The following KNL1 variants were observed in gnomAD, a reference collection of about 807,000 sequenced individuals.
KNL1 encodes kinetochore scaffold 1.
In KNL1, 66 loss-of-function variants were observed where a neutral mutation model predicts 201.3. The observed-to-expected ratio is 0.33, with a 90% CI of 0.27 to 0.40. The LOEUF is 0.40. Among genes scored for constraint, KNL1 ranks in the 10% least tolerant of loss-of-function variants. The pLI is 1.00. For missense variants in KNL1, 2,815 were observed against 2,690.5 expected (o/e 1.05, Z -1.02); for synonymous variants, 895 against 899.2 (o/e 1.00, Z 0.08).
intron 1 of KNL1, among the ~76,000 whole-genome samples, chr15:40,594,748 C>T (rs934114848): frequency 6.6e-6 from 1 of 152,350 alleles, no homozygotes; most frequent in Non-Finnish European, 1.5e-5. Context: ...TGCCGCTCTT[C>T]CCTAGGGACC....
intron 13 of KNL1, among the ~76,000 whole-genome samples, chr15:40,637,009 A>G (rs981322832): frequency 6.6e-6 from 1 of 151,920 alleles, no homozygotes; most frequent in East Asian, 1.9e-4. Context: ...ATGGTTAATT[A>G]TTCAGTCAGT....
intron 1 of KNL1, among the ~76,000 whole-genome samples, chr15:40,599,793 CTTTTT>C (rs55838833): frequency 5.0e-5 from 6 of 120,110 alleles, no homozygotes; most frequent in Admixed American, 8.9e-5. Flanking sequence ...TTATGTATTC[CTTTTT>C]TTTTTTTTTT....
intron 4 of KNL1, among the ~76,000 whole-genome samples, chr15:40,608,023 T>C (rs960877775): frequency 1.3e-5 from 2 of 152,090 alleles, no homozygotes; most frequent in East Asian, 1.9e-4. Flanking sequence ...ATTATTCACA[T>C]TAGCTAGAAG....
At chr15:40,648,231 G>A (rs1470890792) in intron 17 of KNL1, among the ~76,000 whole-genome samples, 1 of 152,042 alleles carries the variant, frequency 6.6e-6, no homozygotes, top group Non-Finnish European at 1.5e-5. Flanking sequence ...CTTAAACTGT[G>A]AATACAGCCT....
chr15:40,639,678 G>C (rs1318907956), intron 13 of KNL1, among the ~76,000 whole-genome samples: 2 of 151,978 alleles, frequency 1.3e-5, no homozygotes, highest in African/African-American at 2.4e-5. Context: ...GCAGGCTGAG[G>C]TTGGGGGACT....
rs1309872862 is a variant in KNL1, at chr15:40,621,133, A to G, written c.869A>G (p.Asn290Ser). 15 of 1,613,830 alleles carry G rather than the reference A, an allele frequency of 9.3e-6. No homozygotes were observed. Among genetic ancestry groups the G allele is most frequent in the African/African-American group, 2.7e-5 (2 of 74,928 alleles). ...AATTTCACCCAGTGTCATACAGCCA[A>G]TATTCAGACATTGATTCCCACATCC... ...GMNFTQCHTA[N>S]IQTLIPTSSE... Residue 290 changes from asparagine to serine, a missense_variant, in exon 10 of 26, where the codon AAT becomes AGT. Physicochemically the swap from Asn to Ser is conservative, Grantham distance 46. Around this residue, in one of 3 missense-constraint regions of KNL1, gnomAD observed 2,464 missense variants for 2,291.7 expected, o/e 1.08. Coordinates refer to ENST00000399668, the MANE Select transcript of KNL1 (RefSeq NM_144508.5).
intron 21 of KNL1, among the ~76,000 whole-genome samples, chr15:40,652,760 C>CTAAAA (rs773600184): frequency 8.6e-6 from 1 of 116,780 alleles, no homozygotes; most frequent in South Asian, 2.9e-4. Context: ...AAAACTGTCT[C>CTAAAA]AAAAAAAAAA....
intron 22 of KNL1, among the ~76,000 whole-genome samples, chr15:40,655,341 C>G (rs1413520350): frequency 6.6e-6 from 1 of 152,016 alleles, no homozygotes; most frequent in Non-Finnish European, 1.5e-5. Context: ...TGCTTGTAAT[C>G]CCAGCACTTT....
intron 8 of KNL1, among the ~76,000 whole-genome samples, chr15:40,618,502 A>G (rs1304188848): frequency 1.3e-5 from 2 of 152,066 alleles, no homozygotes; most frequent in African/African-American, 4.8e-5. Flanking sequence ...TATCCAGGAA[A>G]TAAAAATAGA....
At chr15:40,616,216 C>T (rs925429024) in intron 8 of KNL1, among the ~76,000 whole-genome samples, 7 of 149,948 alleles carry the variant, frequency 4.7e-5, no homozygotes, top group African/African-American at 9.8e-5. Context: ...CTCTACCTCC[C>T]GGGTTCAAGC....
chr15:40,621,714 A>T lies in KNL1; in HGVS notation c.1450A>T (p.Met484Leu), dbSNP rs752739201. Residue 484 changes from methionine to leucine, a missense_variant, in exon 10 of 26, where the codon ATG becomes TTG. By Grantham distance (15) the Met-to-Leu change is conservative. Coordinates refer to ENST00000399668, the MANE Select transcript of KNL1 (RefSeq NM_144508.5). Reference sequence around the variant, plus strand: ...AACTATTTATTCCGGAGAGGAGAACATGGACATTACCAAGAGTCATACAGT... The same window carrying T: ...AACTATTTATTCCGGAGAGGAGAACTTGGACATTACCAAGAGTCATACAGT... ...EKTIYSGEEN[M>L]DITKSHTVAI... The T allele has an allele frequency of 1.2e-6, 2 of 1,612,450 alleles. No homozygotes were observed. Among genetic ancestry groups the T allele is most frequent in the Admixed American group, 1.7e-5 (1 of 59,936 alleles).
Position 40,621,948 on chromosome 15 carries a change from A to G in KNL1, c.1684A>G (p.Arg562Gly). The change falls in exon 10 of 26, where the codon AGA becomes GGA. Residue 562 changes from arginine to glycine, a missense_variant. By Grantham distance (125) the Arg-to-Gly change is moderately radical. Around this residue, in one of 3 missense-constraint regions of KNL1, gnomAD observed 2,464 missense variants for 2,291.7 expected, o/e 1.08. Coordinates refer to ENST00000399668, the MANE Select transcript of KNL1 (RefSeq NM_144508.5). ...SNPLSISLTD[R>G]KTELLSGENM... is the part of the protein sequence containing the mutation. ...TCCTTTGTCTATTTCATTGACTGAT[A>G]GAAAGACTGAACTCTTATCAGGTGA... 6.2e-7 allele frequency: 1 copy of G among 1,613,912 alleles called. No homozygotes were observed. The highest frequency in any genetic ancestry group is 2.2e-5 in the East Asian group (1 of 44,878).
chr15:40,628,202 T>G lies in KNL1; in HGVS notation c.5509T>G (p.Phe1837Val). Residue 1837 changes from phenylalanine (F) to valine (V), a missense_variant, in exon 11 of 26, where the codon TTC (phenylalanine) becomes GTC (valine). This residue lies in a region of KNL1 where 2,464 missense variants were observed against 2,291.7 expected (regional missense o/e 1.08). Coordinates refer to ENST00000399668, the MANE Select transcript of KNL1 (RefSeq NM_144508.5). ...CAAGGCTGATGGGACCTCTCTGGACTTCAGCAGTAAGAGCTTCATGAAGGC... is the reference window on the plus strand; with the variant it reads ...CAAGGCTGATGGGACCTCTCTGGACGTCAGCAGTAAGAGCTTCATGAAGGC... ...SIKADGTSLD[F>V]STYRSSQMES... is the part of the protein sequence containing the mutation. 1.3e-6 allele frequency: 2 copies of G among 1,594,286 alleles called. No individual in the cohort carries two copies. The highest frequency in any genetic ancestry group is 1.2e-5 in the South Asian group (1 of 86,656).
chr15:40,658,561 CAAAAA>C (rs35180053), intron 24 of KNL1, among the ~76,000 whole-genome samples: 2 of 74,168 alleles, frequency 2.7e-5, no homozygotes, highest in South Asian at 5.3e-4. Context: ...GAATCTGTCT[CAAAAA>C]AAAAAAAAAA....
chr15:40,645,217 C>A, intron 15 of KNL1, 130 bp downstream of exon 15: 1 of 570,970 alleles, frequency 1.8e-6, no homozygotes, highest in Non-Finnish European at 3.1e-6. Context: ...TAATGTGGTA[C>A]CAAGGTCTTA....
intron 14 of KNL1, among the ~76,000 whole-genome samples, chr15:40,643,979 TGTG>T (rs1595940733): frequency 1.3e-5 from 2 of 152,146 alleles, no homozygotes; most frequent in East Asian, 3.9e-4. Context: ...CCTCCACACT[TGTG>T]GGTATTTCTA....
At chr15:40,651,669 G>C (rs1595946159) in intron 20 of KNL1, 97 bp downstream of exon 20, 3 of 801,352 alleles carry the variant, frequency 3.7e-6, no homozygotes, top group Non-Finnish European at 5.9e-6. Flanking sequence ...ATGTGTTGCT[G>C]TTTTTAACCT....
chr15:40,603,177 T>A (rs139501510), intron 2 of KNL1, among the ~76,000 whole-genome samples: 1 of 152,284 alleles, frequency 6.6e-6, no homozygotes, highest in African/African-American at 2.4e-5. Flanking sequence ...GCCATGTTGG[T>A]TTGCTGCACC....
chr15:40,628,021 A>G (rs1892802582), intron 10 of KNL1, 49 bp from the exon 11 acceptor site: 2 of 1,310,972 alleles, frequency 1.5e-6, no homozygotes, highest in Middle Eastern at 2.5e-4. Flanking sequence ...TGTCGTAAGT[A>G]TACAGTGTAT....
Sources: allele counts gnomAD v4.1 joint callset (sites outside exome capture counted in the v4.1 genomes callset), GRCh38; gene constraint gnomAD v4.1.1; regional missense constraint gnomAD v4.1.1; transcripts MANE v1.5; gene names NCBI Gene and HGNC (gene_info 2026-07-23, HGNC 2026-07-21).